The following STK3 variants were observed in gnomAD, a reference collection of about 807,000 sequenced individuals.
The protein encoded by STK3 is serine/threonine-protein kinase 3.
Under a neutral mutation model 58.0 loss-of-function variants are expected in STK3, and 41 were observed. The ratio of observed to expected loss-of-function variants is 0.71; its 90% CI spans 0.55 to 0.92. The LOEUF (loss-of-function observed/expected upper bound fraction) is 0.92. STK3 is among the 40% of genes least tolerant of loss of function. STK3 has a pLI of 0.00. For missense variants in STK3, 479 were observed against 602.7 expected (o/e 0.79, Z 2.15); for synonymous variants, 170 against 191.0 (o/e 0.89, Z 0.91).
intron 6 of STK3, among the ~76,000 whole-genome samples, chr8:98,611,257 A>G (rs1289129765): frequency 6.6e-6 from 1 of 152,220 alleles, no homozygotes; most frequent in Non-Finnish European, 1.5e-5. Context: ...GTCAATGTAA[A>G]TTAGGATTAA....
At chr8:98,925,117 G>A (rs1286761612) in intron 1 of STK3, among the ~76,000 whole-genome samples, 5 of 152,226 alleles carry the variant, frequency 3.3e-5, no homozygotes, top group Non-Finnish European at 7.3e-5. Flanking sequence ...TGACCAGACA[G>A]AGTGGGTGCT....
At chr8:98,876,065 G>A (rs1837550375) in intron 3 of STK3, among the ~76,000 whole-genome samples, 1 of 152,184 alleles carries the variant, frequency 6.6e-6, no homozygotes, top group South Asian at 2.1e-4. Flanking sequence ...AAAGGCAGTG[G>A]TTCTTGGTGT....
chr8:98,813,149 T>G (rs1172613016), intron 1 of STK3, among the ~76,000 whole-genome samples: 1 of 152,184 alleles, frequency 6.6e-6, no homozygotes, highest in Non-Finnish European at 1.5e-5. Flanking sequence ...CAATCAATAT[T>G]TCATTTAATC....
At chr8:98,362,597 G>C in the STK3 span, among the ~76,000 whole-genome samples, 1 of 152,178 alleles carries the variant, frequency 6.6e-6, no homozygotes, top group Non-Finnish European at 1.5e-5. Context: ...GATTCCCGAG[G>C]TGGATTGCCA....
At chr8:98,388,023 C>G (rs868687629) in intron 1 of STK3, among the ~76,000 whole-genome samples, 1 of 151,956 alleles carries the variant, frequency 6.6e-6, no homozygotes, top group South Asian at 2.1e-4. Context: ...ACAATTTGAG[C>G]ACTGAAATGA....
chr8:98,558,000 A>G (rs1490695346), intron 8 of STK3, among the ~76,000 whole-genome samples: 2 of 152,160 alleles, frequency 1.3e-5, no homozygotes, highest in Non-Finnish European at 2.9e-5. Flanking sequence ...TTTCCAAACA[A>G]AAGATTACCT....
intron 1 of STK3, among the ~76,000 whole-genome samples, chr8:98,888,450 A>AG: frequency 6.6e-6 from 1 of 152,336 alleles, no homozygotes; most frequent in Admixed American, 6.5e-5. Flanking sequence ...AGAAGGGAGT[A>AG]GACAAACCTG....
chr8:98,696,246 G>A (rs960941048), intron 6 of STK3, among the ~76,000 whole-genome samples: 3 of 152,192 alleles, frequency 2.0e-5, no homozygotes, highest in South Asian at 2.1e-4. Flanking sequence ...TCAGCTAAGG[G>A]AGATTTTGGG....
intron 1 of STK3, among the ~76,000 whole-genome samples, chr8:98,939,102 C>A (rs907085753): frequency 3.9e-5 from 6 of 152,090 alleles, no homozygotes; most frequent in Non-Finnish European, 7.4e-5. Flanking sequence ...TTGAAGGTGC[C>A]TTTGGAAAGT....
chr8:98,555,611 T>C (rs2131611143), intron 8 of STK3, among the ~76,000 whole-genome samples: 1 of 152,218 alleles, frequency 6.6e-6, no homozygotes, highest in Admixed American at 6.6e-5. Flanking sequence ...AACTGGACAA[T>C]TCTAACGAGT....
chr8:98,427,555 G>A (rs1411452430), intron 3 of STK3: 3 of 102,132 alleles, frequency 2.9e-5, no homozygotes, highest in African/African-American at 1.2e-4. Flanking sequence ...CCAAAGCTAC[G>A]CGCCCCCCGT....
Position 98,939,351 on chromosome 8 carries a change from CA to C in STK3, c.-79+3026del, listed in dbSNP as rs200592249. Among the ~76,000 whole-genome samples the C allele has an allele frequency of 3.3e-3, 501 of 151,622 alleles. 4 individuals are homozygous for C. Among genetic ancestry groups the C allele is most frequent in the East Asian group, 0.027 (139 of 5,154 alleles). On this transcript the variant is annotated intron_variant, in intron 1 of 1. Coordinates refer to the STK3 transcript ENST00000519420. ...ATCAGAATCACCTGGAGGGCTTGCT[CA>C]AACACAGATTGCCAGGCCCCACTCC...
At chr8:98,681,364 G>T (rs1823635900) in intron 6 of STK3, among the ~76,000 whole-genome samples, 1 of 151,908 alleles carries the variant, frequency 6.6e-6, no homozygotes, top group African/African-American at 2.4e-5. Flanking sequence ...AATAAGAGTT[G>T]ACATAAAAGA....
Position 98,554,170 on chromosome 8 carries a change from C to T in STK3, c.949-6009G>A, listed in dbSNP as rs117721659. Among the ~76,000 whole-genome samples the T allele has an allele frequency of 4.6e-5, 7 of 152,230 alleles. No homozygotes were observed. In the East Asian group the frequency reaches 1.4e-3, roughly 29 times the overall value. On this transcript the variant is annotated intron_variant, in intron 8 of 10. Coordinates refer to ENST00000419617, the MANE Select transcript of STK3 (RefSeq NM_006281.4). ...ACTATCTACAGCATTTCTCAAGCCC[C>T]ATTTAACTCATACTACAGGTTTGCA...
At chr8:98,848,418 T>C (rs1836297096) in intron 3 of STK3, among the ~76,000 whole-genome samples, 1 of 152,050 alleles carries the variant, frequency 6.6e-6, no homozygotes, top group Non-Finnish European at 1.5e-5. Context: ...CCTGGCTAAT[T>C]TTGTATTTTT....
chr8:98,379,401 T>TA (rs1472624604), intron 1 of STK3, among the ~76,000 whole-genome samples: 1 of 152,232 alleles, frequency 6.6e-6, no homozygotes, highest in Non-Finnish European at 1.5e-5. Context: ...TCTGTAGTAT[T>TA]AGATAATGCA....
Position 98,800,196 on chromosome 8 carries a change from A to G in STK3, c.26+25319T>C, listed in dbSNP as rs181900119. Among the ~76,000 whole-genome samples, 464 of 152,202 alleles carry G rather than the reference A, an allele frequency of 3.0e-3. 1 individual carries two copies. The highest frequency in any genetic ancestry group is 0.011 in the African/African-American group (443 of 41,520). Reference sequence around the variant, plus strand: ...TAGAATTGAGGCCACCAAGCTACAGATGGTCTTACAAATGGAACCTCAAAT... The same window carrying G: ...TAGAATTGAGGCCACCAAGCTACAGGTGGTCTTACAAATGGAACCTCAAAT... On this transcript the variant is annotated intron_variant, in intron 1 of 10. Coordinates refer to ENST00000419617, the MANE Select transcript of STK3 (RefSeq NM_006281.4). The surrounding 1 kb of genome is among the most constrained non-coding windows in gnomAD (Gnocchi z 4.8).
At chr8:98,499,526 T>A (rs1449051529) in intron 10 of STK3, among the ~76,000 whole-genome samples, 1 of 152,084 alleles carries the variant, frequency 6.6e-6, no homozygotes, top group Non-Finnish European at 1.5e-5. Context: ...AAAACAGATT[T>A]TTGGTAGAAA....
At chr8:98,617,295 T>C (rs1817831081) in intron 6 of STK3, among the ~76,000 whole-genome samples, 1 of 141,688 alleles carries the variant, frequency 7.1e-6, no homozygotes, top group Admixed American at 7.1e-5. Flanking sequence ...CCAGAATCTC[T>C]GGGACGCATT....
Sources: allele counts gnomAD v4.1 joint callset (sites outside exome capture counted in the v4.1 genomes callset), GRCh38; gene constraint gnomAD v4.1.1; non-coding constraint Gnocchi (gnomAD v3.1); transcripts MANE v1.5; gene names NCBI Gene and HGNC (gene_info 2026-07-23, HGNC 2026-07-21).